MFN2: variants seen among roughly 807,000 people sequenced by gnomAD.
MFN2 encodes the protein mitofusin 2, also known as mitofusin-2.
In MFN2, 43 loss-of-function variants were observed where a neutral mutation model predicts 87.5. The observed-to-expected ratio is 0.49, with a 90% CI of 0.38 to 0.63. MFN2 has a LOEUF of 0.63. Ranked by LOEUF, MFN2 falls within the 30% of genes least tolerant of loss-of-function variation. The probability of loss-of-function intolerance (pLI) is 0.00; values close to 1 mark genes in which losing one functional copy is unlikely to be tolerated. For synonymous variants in MFN2, 337 were observed against 359.9 expected, an observed-to-expected ratio of 0.94 and a Z score of 0.72; for missense variants, 743 against 972.8, an observed-to-expected ratio of 0.76 and a Z score of 3.14.
At chr1:12,008,918 C>T (rs1368076364) in intron 17 of MFN2, among the ~76,000 whole-genome samples, 1 of 152,270 alleles carries the variant, frequency 6.6e-6, no homozygotes, top group African/African-American at 2.4e-5. Flanking sequence ...ACATTGAGCA[C>T]TGAGTGAACG....
At chr1:12,011,395 T>TAA (rs1259528557) in intron 18 of MFN2, 101 bp from the exon 19 acceptor site, 2 of 1,169,816 alleles carry the variant, frequency 1.7e-6, no homozygotes, top group Non-Finnish European at 1.3e-6. Flanking sequence ...GAGGATGATG[T>TAA]AAGGGTGTGT....
chr1:12,010,729 A>T (rs1222352724), intron 18 of MFN2, among the ~76,000 whole-genome samples: 2 of 152,040 alleles, frequency 1.3e-5, no homozygotes, highest in African/African-American at 4.8e-5. Context: ...CATTATTTTC[A>T]TCTGTAAAAT....
intron 8 of MFN2, 79 bp downstream of exon 8, chr1:11,999,174 C>T: frequency 1.7e-6 from 2 of 1,149,946 alleles, no homozygotes; most frequent in East Asian, 2.3e-5. Flanking sequence ...TTCCTGCACC[C>T]CTGGATCTAG....
At chr1:11,988,007 G>T (rs934633419) in intron 2 of MFN2, among the ~76,000 whole-genome samples, 46 of 152,148 alleles carry the variant, frequency 3.0e-4, no homozygotes, top group Non-Finnish European at 6.3e-4. Context: ...AAATGATGGG[G>T]TTATGGGTTT....
chr1:11,996,750 T>C (rs1638924274), intron 5 of MFN2, among the ~76,000 whole-genome samples: 1 of 152,048 alleles, frequency 6.6e-6, no homozygotes, highest in African/African-American at 2.4e-5. Context: ...TCATAAAGAA[T>C]CAATTGGTCG....
At chr1:11,980,721 C>T (rs894671574) in intron 1 of MFN2, among the ~76,000 whole-genome samples, 13 of 152,240 alleles carry the variant, frequency 8.5e-5, no homozygotes, top group African/African-American at 2.9e-4. Flanking sequence ...TCGCCCCCGC[C>T]TTTCCACCCT....
chr1:12,007,766 C>CT (rs1198830868), intron 17 of MFN2, among the ~76,000 whole-genome samples: 1 of 151,654 alleles, frequency 6.6e-6, no homozygotes, highest in Non-Finnish European at 1.5e-5. Flanking sequence ...TCTCCTTTTT[C>CT]TTTCTTTCTT....
In MFN2 at chr1:12,011,726, T is replaced by C. The variant is rs1639708162; in HGVS notation, c.*161T>C. 1.4e-6 allele frequency: 1 copy of C among 717,438 alleles called. No individual in the cohort carries two copies. 44.4% of individuals were successfully genotyped at this position (717,438 alleles called of 1,614,324 possible). A position where few individuals can be genotyped will look rare whatever the true frequency, so the allele number is the denominator to read the frequency against. ...ATTTTGAGCCCTCCAGCACTACTTA[T>C]TTTCCCCCACCTTTGCCTGCTGTTG... On this transcript the variant is annotated 3_prime_UTR_variant, in exon 19 of 19. Transcript: ENST00000235329.
rs186824858 is a variant in MFN2 at position 11,989,355 on chromosome 1, C to G, written c.175+12C>G. ...CACCTTCCTTGAAGGTAAGGGGGCA[C>G]CGGCTCAGCCAGGCCCGCTCTTACC... On this transcript the variant is annotated intron_variant, in intron 3 of 18. Coordinates refer to ENST00000235329, the MANE Select transcript of MFN2 (RefSeq NM_014874.4). 2.0e-5 allele frequency: 32 copies of G among 1,613,432 alleles called. No individual in the cohort carries two copies. The highest frequency in any genetic ancestry group is 2.7e-5 in the Non-Finnish European group (32 of 1,179,816).
intron 2 of MFN2, among the ~76,000 whole-genome samples, chr1:11,983,806 C>T (rs915062007): frequency 5.3e-5 from 8 of 152,138 alleles, no homozygotes; most frequent in African/African-American, 1.7e-4. Flanking sequence ...CTTCATGGAG[C>T]GGGTGACACT....
At chr1:11,988,872 T>C (rs1638545790) in intron 2 of MFN2, among the ~76,000 whole-genome samples, 2 of 152,078 alleles carry the variant, frequency 1.3e-5, no homozygotes, top group Non-Finnish European at 2.9e-5. Flanking sequence ...GGCTAATTAC[T>C]GTATTTTTAG....
chr1:12,006,683 T>G lies in MFN2; in HGVS notation c.1862T>G (p.Val621Gly). 1 of 1,614,124 alleles carries G rather than the reference T, an allele frequency of 6.2e-7. No individual in the cohort carries two copies. The highest frequency in any genetic ancestry group is 1.1e-5 in the South Asian group (1 of 91,080). ...AGGACCTCCATGGGCATTCTTGTTG[T>G]TGGAGGAGTGGTCAGTGACCAGTTC... Reference protein sequence around the residue: ...TSRTSMGILVVGGVVWKAVGW... With the variant: ...TSRTSMGILVGGGVVWKAVGW... Residue 621 changes from valine to glycine, a missense_variant, in exon 16 of 19, where the codon GTT becomes GGT. Coordinates refer to ENST00000235329, the MANE Select transcript of MFN2 (RefSeq NM_014874.4).
intron 1 of MFN2, among the ~76,000 whole-genome samples, chr1:11,981,100 C>A (rs7535054): frequency 0.011 from 1,648 of 152,272 alleles, 28 homozygotes; most frequent in African/African-American, 0.038. Flanking sequence ...TCTCTTCTAC[C>A]CAGAAAAGGG....
At chr1:12,001,626 CAGT>C in intron 9 of MFN2, 72 bp downstream of exon 9, 1 of 1,609,834 alleles carries the variant, frequency 6.2e-7, no homozygotes, top group Non-Finnish European at 8.5e-7. Context: ...AGGAGTCTGT[CAGT>C]AGAAAATCCT....
chr1:11,999,648 A>G (rs1639084783), intron 8 of MFN2, among the ~76,000 whole-genome samples: 1 of 151,336 alleles, frequency 6.6e-6, no homozygotes, highest in Non-Finnish European at 1.5e-5. Context: ...ATGAGCCACC[A>G]CGCCTGGCCT....
Position 12,003,287 on chromosome 1 carries a change from T to A in MFN2, c.1161-705T>A, listed in dbSNP as rs1639257270. Among the ~76,000 whole-genome samples, 1 of 152,232 alleles carries A rather than the reference T, an allele frequency of 6.6e-6. No homozygotes were observed. Reference sequence around the variant, plus strand: ...TTCATTGCATGACCAGTACTGTCCATAGGCCTTCCATTTCATCAGCCCTCA... The same window carrying A: ...TTCATTGCATGACCAGTACTGTCCAAAGGCCTTCCATTTCATCAGCCCTCA... On this transcript the variant is annotated intron_variant, in intron 11 of 18. Transcript: ENST00000235329. This position sits in a 1 kb window ranked among gnomAD's most constrained non-coding sequence, Gnocchi z 4.1.
chr1:12,011,774 C>T lies in MFN2; in HGVS notation c.*209C>T, dbSNP rs113306881. On this transcript the variant is annotated 3_prime_UTR_variant, in exon 19 of 19. Coordinates refer to ENST00000235329, the MANE Select transcript of MFN2 (RefSeq NM_014874.4). ...TTGCTGGAAGAGCTGGCTCATACCC[C>T]CAAAGGACACTTTCAGCGACAGCTA... is the stretch of plus-strand genomic sequence containing the variant. 9.8e-6 allele frequency: 6 copies of T among 614,542 alleles called. No homozygotes were observed. Among genetic ancestry groups the T allele is most frequent in the South Asian group, 1.9e-5 (1 of 52,450 alleles). The allele number at this position is 614,542 out of a possible 1,614,324, so 38.1% of individuals were successfully genotyped here.
At chr1:12,006,868 C>T (rs535502831) in intron 16 of MFN2, among the ~76,000 whole-genome samples, 175 bp downstream of exon 16, 1 of 152,322 alleles carries the variant, frequency 6.6e-6, no homozygotes, top group African/African-American at 2.4e-5. Flanking sequence ...CCCTCACTTC[C>T]TGCTGGACAT....
intron 11 of MFN2, among the ~76,000 whole-genome samples, chr1:12,002,884 C>A (rs934146038): frequency 2.0e-5 from 3 of 152,186 alleles, no homozygotes; most frequent in African/African-American, 7.2e-5. Context: ...TACATAAATG[C>A]TGAGGAATAT....
Sources: allele counts gnomAD v4.1 joint callset (sites outside exome capture counted in the v4.1 genomes callset), GRCh38; gene constraint gnomAD v4.1.1; non-coding constraint Gnocchi (gnomAD v3.1); transcripts MANE v1.5; gene names NCBI Gene and HGNC (gene_info 2026-07-23, HGNC 2026-07-21).